ZKSCAN5: variants seen among roughly 807,000 people sequenced by gnomAD.
ZKSCAN5 encodes zinc finger protein with KRAB and SCAN domains 5.
A neutral mutation model predicts 60.0 loss-of-function variants in ZKSCAN5; 28 were observed. The observed-to-expected ratio is 0.47, with a 90% CI of 0.35 to 0.64. The LOEUF is 0.64. Ranked by LOEUF, ZKSCAN5 falls within the 30% of genes least tolerant of loss-of-function variation. ZKSCAN5 has a pLI of 0.01. For synonymous variants in ZKSCAN5, 361 were observed against 371.2 expected, an observed-to-expected ratio of 0.97 and a Z score of 0.31; for missense variants, 881 against 1,034.6, an observed-to-expected ratio of 0.85 and a Z score of 2.04.
chr7:99,518,313 C>T (rs1467060209), intron 3 of ZKSCAN5, among the ~76,000 whole-genome samples: 3 of 151,138 alleles, frequency 2.0e-5, no homozygotes, highest in Admixed American at 1.3e-4. Flanking sequence ...CCTAGCTACT[C>T]GGGAGGCTGA....
chr7:99,513,158 C>T (rs910630700), intron 3 of ZKSCAN5, among the ~76,000 whole-genome samples: 2 of 152,042 alleles, frequency 1.3e-5, no homozygotes, highest in African/African-American at 4.8e-5. Context: ...GACATGAACT[C>T]ATCATTTTTT....
intron 5 of ZKSCAN5, among the ~76,000 whole-genome samples, chr7:99,522,594 C>T (rs1002944252): frequency 6.6e-5 from 10 of 151,672 alleles, no homozygotes; most frequent in African/African-American, 2.4e-4. Flanking sequence ...GCACCTCAGC[C>T]TCCCGAGTAG....
chr7:99,518,195 A>C (rs766959466), intron 3 of ZKSCAN5, among the ~76,000 whole-genome samples: 1 of 151,974 alleles, frequency 6.6e-6, no homozygotes, highest in Non-Finnish European at 1.5e-5. Context: ...TTGGGAGGCC[A>C]TTGCAGGTGA....
At chr7:99,523,777 C>T (rs1246680578) in intron 5 of ZKSCAN5, among the ~76,000 whole-genome samples, 1 of 152,018 alleles carries the variant, frequency 6.6e-6, no homozygotes, top group African/African-American at 2.4e-5. Flanking sequence ...CCTGTTTTTA[C>T]TGTTTCAGTG....
intron 2 of ZKSCAN5, among the ~76,000 whole-genome samples, chr7:99,510,104 C>A (rs3901286): frequency 0.37 from 56,215 of 151,828 alleles, 16,726 homozygotes; most frequent in African/African-American, 0.82. Flanking sequence ...GCTAATTAAA[C>A]AAAAATTTTT....
In ZKSCAN5 at chr7:99,506,268, G is replaced by C; in HGVS notation, c.224G>C (p.Cys75Ser). 2 of 1,614,250 alleles carry C rather than the reference G, an allele frequency of 1.2e-6. No individual in the cohort carries two copies. The highest frequency in any genetic ancestry group is 8.5e-7 in the Non-Finnish European group (1 of 1,180,040). Residue 75 changes from cysteine to serine, a missense_variant, in exon 2 of 7, where the codon TGC becomes TCC. By Grantham distance (112) the Cys-to-Ser change is moderately radical. This residue lies in a region of ZKSCAN5 where 53 missense variants were observed against 88.7 expected (regional missense o/e 0.60). Coordinates refer to ENST00000326775, the MANE Select transcript of ZKSCAN5 (RefSeq NM_145102.4). ...REALSQLRVLCCEWLRPELHT... is the reference protein window; with the variant it reads ...REALSQLRVLSCEWLRPELHT... The stretch of plus-strand genomic sequence containing the variant: ...GCTCTCAGCCAACTCCGGGTGCTCT[G>C]CTGTGAGTGGCTGAGGCCCGAGCTG...
chr7:99,508,987 TTTTTTA>T (rs1177479224), intron 2 of ZKSCAN5, among the ~76,000 whole-genome samples: 1 of 151,712 alleles, frequency 6.6e-6, no homozygotes, highest in Non-Finnish European at 1.5e-5. Context: ...TTTTTTTAGT[TTTTTTA>T]TTTTTATTTT....
chr7:99,532,390 T>C lies in ZKSCAN5; in HGVS notation c.*141T>C, dbSNP rs1802095210. 2 of 755,904 alleles carry C rather than the reference T, an allele frequency of 2.6e-6. No homozygotes were observed. Among genetic ancestry groups the C allele is most frequent in the Non-Finnish European group, 4.0e-6 (2 of 503,950 alleles). 46.8% of individuals were successfully genotyped at this position (755,904 alleles called of 1,614,324 possible). ...AATCCTTTAGTTATAACTCAGCCTT[T>C]AGGAACACCGGAGAACCCACAATAA... On this transcript the variant is annotated 3_prime_UTR_variant, in exon 7 of 7. Transcript: ENST00000326775.
intron 3 of ZKSCAN5, among the ~76,000 whole-genome samples, chr7:99,519,279 T>G (rs940478359): frequency 2.0e-5 from 3 of 149,420 alleles, no homozygotes; most frequent in East Asian, 2.0e-4. Context: ...CAGTATTTTT[T>G]TTTTTTTTTT....
In ZKSCAN5 at chr7:99,504,670, C is replaced by G. The variant is rs150225249; in HGVS notation, c.-104C>G. 1 of 152,290 alleles carries G rather than the reference C, an allele frequency of 6.6e-6. No individual in the cohort carries two copies. The highest frequency in any genetic ancestry group is 6.5e-5 in the Admixed American group (1 of 15,278). The allele number at this position is 152,290 out of a possible 1,614,324, so 9.4% of individuals were successfully genotyped here. A position where few individuals can be genotyped will look rare whatever the true frequency, so the allele number is the denominator to read the frequency against. ...GATGTAGTTCCGGGAACAGCTGGCC[C>G]CTGCGACTCGCGGGTGTGACGTTGA... is the stretch of plus-strand genomic sequence containing the variant. On this transcript the variant is annotated 5_prime_UTR_variant, in exon 1 of 7. Coordinates refer to ENST00000326775, the MANE Select transcript of ZKSCAN5 (RefSeq NM_145102.4).
chr7:99,515,670 C>T (rs1031203497), intron 3 of ZKSCAN5, among the ~76,000 whole-genome samples: 5 of 151,918 alleles, frequency 3.3e-5, no homozygotes, highest in African/African-American at 1.2e-4. Flanking sequence ...CCCATCTCTA[C>T]TAAGAAATAC....
intron 5 of ZKSCAN5, among the ~76,000 whole-genome samples, chr7:99,521,027 A>G (rs1054536014): frequency 3.9e-5 from 6 of 152,044 alleles, no homozygotes; most frequent in Non-Finnish European, 8.8e-5. Flanking sequence ...CCTGGAAGCT[A>G]ATATTTAATT....
At chr7:99,513,222 CATT>C (rs1213449099) in intron 3 of ZKSCAN5, among the ~76,000 whole-genome samples, 1 of 151,960 alleles carries the variant, frequency 6.6e-6, no homozygotes, top group African/African-American at 2.4e-5. Flanking sequence ...TCCAGTCTAT[CATT>C]GTTGGACATT....
rs747384325 is a variant in ZKSCAN5, at chr7:99,519,922, C to G, written c.636+13C>G. The stretch of plus-strand genomic sequence containing the variant: ...AACTGGGTCCCAGGTGAGCTGGTGC[C>G]CCTTTGCCCTCAGAGAGGACCCATC... On this transcript the variant is annotated intron_variant, in intron 4 of 6. Coordinates refer to ENST00000326775, the MANE Select transcript of ZKSCAN5 (RefSeq NM_145102.4). The G allele has an allele frequency of 9.3e-6, 15 of 1,613,708 alleles. No homozygotes were observed.
At chr7:99,526,530 G>T (rs1260583494) in intron 6 of ZKSCAN5, 112 bp downstream of exon 6, 13 of 1,466,128 alleles carry the variant, frequency 8.9e-6, no homozygotes, top group Non-Finnish European at 1.2e-5. Flanking sequence ...GGGGTAGGAA[G>T]AGGCAAAGGT....
At chr7:99,530,326 C>T (rs376021281) in intron 6 of ZKSCAN5, among the ~76,000 whole-genome samples, 4 of 152,202 alleles carry the variant, frequency 2.6e-5, no homozygotes, top group East Asian at 1.9e-4. Context: ...TGAGCCACCA[C>T]GCCCGGCCTT....
intron 5 of ZKSCAN5, among the ~76,000 whole-genome samples, chr7:99,521,262 A>G (rs531362942): frequency 1.3e-5 from 2 of 152,268 alleles, no homozygotes; most frequent in African/African-American, 4.8e-5. Context: ...CAATGGCGCA[A>G]TCTCAGCTCC....
At chr7:99,530,702 C>A (rs1311522099) in intron 6 of ZKSCAN5, among the ~76,000 whole-genome samples, 1 of 152,164 alleles carries the variant, frequency 6.6e-6, no homozygotes, top group Non-Finnish European at 1.5e-5. Flanking sequence ...CTCTGTTACT[C>A]CCGTTACATC....
chr7:99,508,675 G>A (rs1456293398), intron 2 of ZKSCAN5, among the ~76,000 whole-genome samples: 1 of 151,306 alleles, frequency 6.6e-6, no homozygotes, highest in African/African-American at 2.4e-5. Flanking sequence ...CTTGAACTTG[G>A]GAGGCAGAGG....
Sources: gnomAD v4.1 joint callset for allele counts (sites outside exome capture counted in the v4.1 genomes callset) on GRCh38, gnomAD v4.1.1 for gene constraint, gnomAD v4.1.1 regional missense constraint, MANE v1.5 for transcripts, NCBI Gene and HGNC (gene_info 2026-07-23, HGNC 2026-07-21) for gene names.